PUM3: variants seen among roughly 807,000 people sequenced by gnomAD.
PUM3 encodes the protein pumilio RNA binding family member 3.
Under a neutral mutation model 84.0 loss-of-function variants are expected in PUM3, and 91 were observed. That is an observed-to-expected ratio of 1.08 (90% CI 0.91 to 1.29). The LOEUF (loss-of-function observed/expected upper bound fraction) is 1.29. PUM3 is among the 50% of genes most tolerant of loss of function. The pLI is 0.00. For synonymous variants in PUM3, 321 were observed against 266.7 expected (o/e 1.20, Z -1.98); for missense variants, 1,067 against 767.5 (o/e 1.39, Z -4.61).
At position 2,807,848 on chromosome 9, in the gene PUM3, C is replaced by T. The variant is rs753258892; in HGVS notation, c.1780G>A (p.Ala594Thr). The T allele has an allele frequency of 6.2e-7, 1 of 1,613,518 alleles. No homozygotes were observed. The highest frequency in any genetic ancestry group is 1.7e-5 in the Admixed American group (1 of 60,000). ...HVGMKNLKSWASVNRGAIILS... is the reference protein window; with the variant it reads ...HVGMKNLKSWTSVNRGAIILS... ...ATAATGGCACCTCGATTTACACTAG[C>T]CCAGGACTTCAGGTTCTTCATACCA... Residue 594 changes from alanine to threonine, a missense_variant, in exon 17 of 18, where the codon GCT (alanine) becomes ACT (threonine). Physicochemically the swap from Ala to Thr is moderately conservative, Grantham distance 58. Coordinates refer to ENST00000397885, the MANE Select transcript of PUM3 (RefSeq NM_014878.5).
intron 5 of PUM3, 152 bp downstream of exon 5, chr9:2,833,205 T>TA: frequency 2.4e-6 from 1 of 413,998 alleles, no homozygotes; most frequent in Non-Finnish European, 4.3e-6. Context: ...TTTAAATTTT[T>TA]ATGTAGTTCA....
chr9:2,827,060 A>G lies in PUM3; in HGVS notation c.1035+13T>C, dbSNP rs768043928. On this transcript the variant is annotated intron_variant, in intron 10 of 17. Coordinates refer to ENST00000397885, the MANE Select transcript of PUM3 (RefSeq NM_014878.5). ...TCCATGTTTTAGTTTAAAAACAAAA[A>G]CCAAGAACTTACTGATCTGAGTTTG... 39 of 1,603,334 alleles carry G rather than the reference A, an allele frequency of 2.4e-5. No individual in the cohort carries two copies. The South Asian group carries it at 4.3e-4, about 18-fold the overall frequency.
At chr9:2,825,688 G>A (rs1038134573) in intron 10 of PUM3, among the ~76,000 whole-genome samples, 2 of 151,958 alleles carry the variant, frequency 1.3e-5, no homozygotes, top group Admixed American at 6.6e-5. Flanking sequence ...CACCATATTG[G>A]CCAGGCTGGT....
chr9:2,825,119 A>G (rs901496591), intron 10 of PUM3, among the ~76,000 whole-genome samples: 6 of 152,168 alleles, frequency 3.9e-5, no homozygotes, highest in African/African-American at 1.4e-4. Flanking sequence ...ATTCTAAATA[A>G]TTTTCCAAGA....
At chr9:2,807,021 A>C (rs1287144760) in intron 17 of PUM3, among the ~76,000 whole-genome samples, 1 of 151,986 alleles carries the variant, frequency 6.6e-6, no homozygotes, top group Non-Finnish European at 1.5e-5. Context: ...ATCCTGGCTA[A>C]CACGGTGAAA....
intron 10 of PUM3, among the ~76,000 whole-genome samples, chr9:2,825,602 C>G (rs1188922967): frequency 6.6e-6 from 1 of 152,068 alleles, no homozygotes; most frequent in Non-Finnish European, 1.5e-5. Flanking sequence ...CCTGCCTCAG[C>G]CTCCCGAGTA....
chr9:2,817,406 C>A (rs978147057), intron 13 of PUM3, among the ~76,000 whole-genome samples: 1 of 151,978 alleles, frequency 6.6e-6, no homozygotes, highest in Non-Finnish European at 1.5e-5. Context: ...ACAAAATGCA[C>A]AAGAATACAT....
At chr9:2,835,661 G>A (rs538432299) in intron 3 of PUM3, among the ~76,000 whole-genome samples, 1 of 152,214 alleles carries the variant, frequency 6.6e-6, no homozygotes, top group African/African-American at 2.4e-5. Flanking sequence ...TAGAGGATAG[G>A]AACTGATCCA....
chr9:2,809,602 C>CT (rs1279641645), intron 16 of PUM3, among the ~76,000 whole-genome samples: 1 of 152,100 alleles, frequency 6.6e-6, no homozygotes, highest in Non-Finnish European at 1.5e-5. Context: ...TGATCTGTCA[C>CT]TTTTTTCCAG....
At chr9:2,831,466 A>T (rs919607902) in intron 5 of PUM3, 122 bp from the exon 6 acceptor site, 59 of 666,348 alleles carry the variant, frequency 8.9e-5, no homozygotes, top group Non-Finnish European at 1.3e-4. Context: ...AATAAAATCA[A>T]ACCTAGATTA....
chr9:2,828,080 C>T (rs1393974584), intron 9 of PUM3, among the ~76,000 whole-genome samples: 1 of 152,098 alleles, frequency 6.6e-6, no homozygotes, highest in African/African-American at 2.4e-5. Context: ...CACTCTGTTG[C>T]CTAGGCTGGA....
rs929470610 is a variant in PUM3 at position 2,823,833 on chromosome 9, T to G, written c.1136A>C (p.Asp379Ala). Residue 379 changes from aspartate to alanine, a missense_variant and splice_region_variant, in exon 12 of 18, where the codon GAC (aspartate) becomes GCC (alanine). Physicochemically the swap from Asp to Ala is moderately radical, Grantham distance 126. Transcript: ENST00000397885. ...CATTGTTTTCACAATCACTTTCCTG[T>G]CCTTAAAAAGGAAAGATTGTCTCAC... is the stretch of plus-strand genomic sequence containing the variant. ...MHCLWHGTPK[D>A]RKVIVKTMKT... 6 of 1,524,022 alleles carry G rather than the reference T, an allele frequency of 3.9e-6. No homozygotes were observed. In the Admixed American group the frequency reaches 1.1e-4, roughly 28 times the overall value. 94.4% of individuals were successfully genotyped at this position (1,524,022 alleles called of 1,614,324 possible).
intron 7 of PUM3, among the ~76,000 whole-genome samples, chr9:2,830,738 T>C (rs1181209694): frequency 6.6e-6 from 1 of 152,182 alleles, no homozygotes; most frequent in African/African-American, 2.4e-5. Flanking sequence ...TTGCAGGACA[T>C]TTCTCATGTA....
chr9:2,811,588 T>A lies in PUM3; in HGVS notation c.1413-5A>T, dbSNP rs1261071399. ...CGGACCTCTGTATCTTTCTTACTGT[T>A]GAGTATGTTGAACGGGGTATTAAGG... On this transcript the variant is annotated splice_region_variant and splice_polypyrimidine_tract_variant and intron_variant, in intron 14 of 17. Coordinates refer to ENST00000397885, the MANE Select transcript of PUM3 (RefSeq NM_014878.5). 6.2e-7 allele frequency: 1 copy of A among 1,607,040 alleles called. No individual in the cohort carries two copies. Among genetic ancestry groups the A allele is most frequent in the Non-Finnish European group, 8.5e-7 (1 of 1,173,994 alleles).
chr9:2,810,303 T>C, intron 16 of PUM3, 41 bp downstream of exon 16: 1 of 1,311,854 alleles, frequency 7.6e-7, no homozygotes, highest in Non-Finnish European at 1.1e-6. Flanking sequence ...TTACTGGAAT[T>C]CCACATGAGA....
chr9:2,822,286 C>A (rs1425781889), intron 12 of PUM3, among the ~76,000 whole-genome samples: 3 of 152,022 alleles, frequency 2.0e-5, no homozygotes, highest in African/African-American at 7.2e-5. Context: ...AATACCCCAC[C>A]AAACAACTCT....
chr9:2,814,954 G>A (rs1312473075), intron 13 of PUM3, among the ~76,000 whole-genome samples: 1 of 152,136 alleles, frequency 6.6e-6, no homozygotes, highest in Non-Finnish European at 1.5e-5. Context: ...TTTCTCCACA[G>A]CTTCCATGCT....
chr9:2,818,241 T>C lies in PUM3; in HGVS notation c.1269+1777A>G, dbSNP rs116059526. 4.5e-3 allele frequency among the ~76,000 whole-genome samples: 681 copies of C among 152,352 alleles called. 5 individuals carry two copies. Among genetic ancestry groups the C allele is most frequent in the African/African-American group, 0.015 (616 of 41,574 alleles). On this transcript the variant is annotated intron_variant, in intron 13 of 17. Coordinates refer to ENST00000397885, the MANE Select transcript of PUM3 (RefSeq NM_014878.5). Reference sequence around the variant, plus strand: ...ACAGTTTAATAATACACAGAACCTGTTGAACGTTTGTCAGTTACAGGAAAG... The same window carrying C: ...ACAGTTTAATAATACACAGAACCTGCTGAACGTTTGTCAGTTACAGGAAAG...
At chr9:2,838,794 T>C (rs1816198347) in intron 1 of PUM3, among the ~76,000 whole-genome samples, 1 of 152,174 alleles carries the variant, frequency 6.6e-6, no homozygotes, top group South Asian at 2.1e-4. Context: ...ACTTCCACAA[T>C]AGTACTGGCT....
Sources: gnomAD v4.1 joint callset for allele counts (sites outside exome capture counted in the v4.1 genomes callset) on GRCh38, gnomAD v4.1.1 for gene constraint, MANE v1.5 for transcripts, NCBI Gene and HGNC (gene_info 2026-07-23, HGNC 2026-07-21) for gene names.